Variants in PCDHGB3 observed in about 807,000 individuals in gnomAD.
PCDHGB3 encodes the protein protocadherin gamma-B3.
Under a neutral mutation model 59.2 loss-of-function variants are expected in PCDHGB3, and 40 were observed. That is an observed-to-expected ratio of 0.68 (90% CI 0.52 to 0.88). PCDHGB3 has a LOEUF of 0.88. PCDHGB3 is among the 40% of genes least tolerant of loss of function. The pLI, the probability that PCDHGB3 is intolerant of heterozygous loss-of-function variation, is 0.00. For missense variants in PCDHGB3, 1,309 were observed against 1,187.9 expected, an observed-to-expected ratio of 1.10 and a Z score of -1.50; for synonymous variants, 581 against 503.6, an observed-to-expected ratio of 1.15 and a Z score of -2.06.
intron 1 of PCDHGB3, chr5:141,393,420 G>A (rs2092755571): frequency 1.2e-6 from 2 of 1,614,050 alleles, no homozygotes; most frequent in Non-Finnish European, 1.7e-6. Context: ...CCTGGACAGG[G>A]AGGAAGAGGC....
At chr5:141,445,109 T>C (rs571834974) in intron 1 of PCDHGB3, among the ~76,000 whole-genome samples, 23 of 152,246 alleles carry the variant, frequency 1.5e-4, no homozygotes, top group Non-Finnish European at 2.8e-4. Flanking sequence ...TCTAATGTTA[T>C]TGTAAATAGT....
chr5:141,439,115 C>A (rs2098087976), intron 1 of PCDHGB3, among the ~76,000 whole-genome samples: 1 of 151,476 alleles, frequency 6.6e-6, no homozygotes, highest in Non-Finnish European at 1.5e-5. Context: ...ATCACTTGAA[C>A]CCGGGAGACA....
At chr5:141,456,148 C>T (rs1408257938) in intron 1 of PCDHGB3, among the ~76,000 whole-genome samples, 13 of 152,078 alleles carry the variant, frequency 8.5e-5, no homozygotes, top group African/African-American at 3.1e-4. Flanking sequence ...CCGCCCGCCT[C>T]GGCCTCCTAA....
intron 1 of PCDHGB3, among the ~76,000 whole-genome samples, chr5:141,373,593 T>G (rs1769715791): frequency 6.6e-6 from 1 of 152,258 alleles, no homozygotes; most frequent in African/African-American, 2.4e-5. Flanking sequence ...TGAAATGTGA[T>G]GATAATTCAA....
At chr5:141,478,177 A>G (rs769503109) in intron 1 of PCDHGB3, 1 of 1,613,988 alleles carries the variant, frequency 6.2e-7, no homozygotes, top group South Asian at 1.1e-5. Context: ...GGGAGCAGAA[A>G]AAAAATCTCA....
chr5:141,400,028 C>T (rs2093943957), intron 1 of PCDHGB3: 1 of 1,613,054 alleles, frequency 6.2e-7, no homozygotes. Context: ...AGGGACGCGG[C>T]CCGCCAGCGC....
Position 141,370,903 on chromosome 5 carries a change from A to C in PCDHGB3, c.509A>C (p.Tyr170Ser), listed in dbSNP as rs1767302300. The change falls in exon 1 of 4, where the codon TAC becomes TCC. Residue 170 changes from tyrosine to serine, a missense_variant. Physicochemically the swap from Tyr to Ser is moderately radical, Grantham distance 144. Transcript: ENST00000576222. ...PDVGVNSLQQ[Y>S]YLSPDPHFSL... ...GTAGGTGTCAATTCGCTGCAGCAGTACTACCTCAGCCCTGATCCGCACTTC... is the reference window on the plus strand; with the variant it reads ...GTAGGTGTCAATTCGCTGCAGCAGTCCTACCTCAGCCCTGATCCGCACTTC... The C allele has an allele frequency of 1.2e-5, 20 of 1,614,048 alleles. No homozygotes were observed. Among genetic ancestry groups the C allele is most frequent in the Non-Finnish European group, 1.5e-5 (18 of 1,179,904 alleles).
At chr5:141,387,000 C>T (rs1211654185) in intron 1 of PCDHGB3, among the ~76,000 whole-genome samples, 7 of 152,118 alleles carry the variant, frequency 4.6e-5, no homozygotes, top group African/African-American at 1.7e-4. Flanking sequence ...TATTATCCCC[C>T]TGATAACTTT....
At chr5:141,404,371 C>T in intron 1 of PCDHGB3, 2 of 1,613,892 alleles carry the variant, frequency 1.2e-6, no homozygotes, top group Non-Finnish European at 1.7e-6. Flanking sequence ...CCATCTTCTC[C>T]GTGATTGCCT....
chr5:141,398,222 A>C, intron 1 of PCDHGB3: 2 of 1,483,320 alleles, frequency 1.3e-6, no homozygotes, highest in Non-Finnish European at 1.8e-6. Flanking sequence ...CTCTGTGAGC[A>C]GATCCGCTAC....
In PCDHGB3 at chr5:141,372,158, G is replaced by A. The variant is rs1466586208; in HGVS notation, c.1764G>A (p.Val588=). Reference sequence around the variant, plus strand: ...GCTCTGCAGAGCCTGGCTACCTGGTGACCAAGGTGGTGGCGGTGGACGCAG... The same window carrying A: ...GCTCTGCAGAGCCTGGCTACCTGGTAACCAAGGTGGTGGCGGTGGACGCAG... ...VPRSAEPGYL[V]TKVVAVDADS... The change falls in exon 1 of 4, where the codon GTG becomes GTA. Residue 588 remains valine (V), a synonymous_variant. Coordinates refer to ENST00000576222, the MANE Select transcript of PCDHGB3 (RefSeq NM_018924.5). 1 of 1,613,800 alleles carries A rather than the reference G, an allele frequency of 6.2e-7. No individual in the cohort carries two copies. Among genetic ancestry groups the A allele is most frequent in the South Asian group, 1.1e-5 (1 of 91,086 alleles).
rs754294132 is a variant in PCDHGB3, at chr5:141,389,121, A to G, written c.2415+16312A>G. ...AGATGCTGTTCTAGACCGCGAGCAG[A>G]ATCCAGAGTACAATATAACCGTTAC... is the stretch of plus-strand genomic sequence containing the variant. On this transcript the variant is annotated intron_variant, in intron 1 of 3. Coordinates refer to ENST00000576222, the MANE Select transcript of PCDHGB3 (RefSeq NM_018924.5). The G allele has an allele frequency of 1.1e-5, 17 of 1,613,910 alleles. No individual in the cohort carries two copies. In the Admixed American group the frequency reaches 2.8e-4, roughly 27 times the overall value.
At chr5:141,496,236 C>T (rs1290509264) in intron 2 of PCDHGB3, among the ~76,000 whole-genome samples, 7 of 152,138 alleles carry the variant, frequency 4.6e-5, no homozygotes, top group Middle Eastern at 3.2e-3. Flanking sequence ...GAACCCCCTG[C>T]GGGCTGAAGG....
At chr5:141,447,768 T>C (rs1392134454) in intron 1 of PCDHGB3, among the ~76,000 whole-genome samples, 1 of 152,212 alleles carries the variant, frequency 6.6e-6, no homozygotes, top group East Asian at 1.9e-4. Context: ...ATATAAATTA[T>C]ACTTTAATTG....
chr5:141,403,254 G>A (rs2094383546), intron 1 of PCDHGB3: 3 of 1,613,830 alleles, frequency 1.9e-6, no homozygotes, highest in Non-Finnish European at 2.5e-6. Flanking sequence ...CAGAGCCCGC[G>A]GTGTCTGGTG....
Position 141,371,039 on chromosome 5 carries a change from G to T in PCDHGB3, c.645G>T (p.Val215=), listed in dbSNP as rs1233349729. The change falls in exon 1 of 4, where the codon GTG becomes GTT. Residue 215 remains valine, a synonymous_variant. Transcript: ENST00000576222. ...ATCACCACCTGGTCCTCACAGCTGT[G>T]GATGGGGGCGAGCCCTCCAGAAGCT... ...QPHHHLVLTA[V]DGGEPSRSCT... 6.2e-6 allele frequency: 10 copies of T among 1,613,966 alleles called. No individual in the cohort carries two copies. The highest frequency in any genetic ancestry group is 8.5e-6 in the Non-Finnish European group (10 of 1,179,894).
chr5:141,374,589 G>C, intron 1 of PCDHGB3: 3 of 1,613,676 alleles, frequency 1.9e-6, no homozygotes, highest in Non-Finnish European at 1.7e-6. Context: ...TCCCTTCAGG[G>C]ATTTAAGCTC....
intron 1 of PCDHGB3, among the ~76,000 whole-genome samples, chr5:141,462,160 A>T (rs575238638): frequency 4.6e-5 from 7 of 152,122 alleles, no homozygotes; most frequent in Non-Finnish European, 1.0e-4. Flanking sequence ...GGGTTTCATC[A>T]TGTTGGCCAG....
At chr5:141,422,721 G>A in intron 1 of PCDHGB3, 1 of 1,605,664 alleles carries the variant, frequency 6.2e-7, no homozygotes, top group East Asian at 2.2e-5. Flanking sequence ...ACACTGTCCA[G>A]GGGGTGCCTC....
Sources: gnomAD v4.1 joint callset for allele counts (sites outside exome capture counted in the v4.1 genomes callset) on GRCh38, gnomAD v4.1.1 for gene constraint, MANE v1.5 for transcripts, NCBI Gene and HGNC (gene_info 2026-07-23, HGNC 2026-07-21) for gene names.